The following TRPM1 variants were observed in gnomAD, a reference collection of about 807,000 sequenced individuals.
TRPM1 encodes transient receptor potential cation channel subfamily M member 1.
Under a neutral mutation model 149.4 loss-of-function variants are expected in TRPM1, and 113 were observed. The ratio of observed to expected loss-of-function variants is 0.76; its 90% CI spans 0.65 to 0.88. TRPM1 has a LOEUF of 0.88. TRPM1 is among the 40% of genes least tolerant of loss of function. TRPM1 has a pLI of 0.00. For missense variants in TRPM1, 1,976 were observed against 2,038.7 expected (o/e 0.97, Z 0.59); for synonymous variants, 741 against 759.5 (o/e 0.98, Z 0.40).
intron 1 of TRPM1, among the ~76,000 whole-genome samples, chr15:31,098,912 G>A (rs1315508495): frequency 6.6e-6 from 1 of 152,168 alleles, no homozygotes; most frequent in Non-Finnish European, 1.5e-5. Flanking sequence ...TCTCAGCAGC[G>A]GGGGAGGGGA....
intron 24 of TRPM1, among the ~76,000 whole-genome samples, 182 bp from the exon 25 acceptor site, chr15:31,028,658 A>C (rs1432567579): frequency 1.3e-5 from 2 of 151,740 alleles, no homozygotes; most frequent in Non-Finnish European, 2.9e-5. Context: ...AGTCTGAGGC[A>C]GGAGAATGGC....
At chr15:31,011,089 G>A (rs2032168622) in intron 27 of TRPM1, among the ~76,000 whole-genome samples, 1 of 152,066 alleles carries the variant, frequency 6.6e-6, no homozygotes, top group South Asian at 2.1e-4. Context: ...GATAGGTGTA[G>A]CCACTCCAAC....
chr15:31,154,155 G>A (rs1437877986), intron 1 of TRPM1, among the ~76,000 whole-genome samples: 2 of 152,222 alleles, frequency 1.3e-5, no homozygotes, highest in Non-Finnish European at 2.9e-5. Context: ...CTTGGATTTT[G>A]CATGTCATTT....
At chr15:31,111,253 T>A (rs2141023894) in intron 1 of TRPM1, among the ~76,000 whole-genome samples, 1 of 152,290 alleles carries the variant, frequency 6.6e-6, no homozygotes, top group East Asian at 1.9e-4. Flanking sequence ...ATCTCATTAA[T>A]CCGCAACTCC....
chr15:31,149,179 G>A (rs1596103236), intron 1 of TRPM1, among the ~76,000 whole-genome samples: 1 of 152,206 alleles, frequency 6.6e-6, no homozygotes, highest in African/African-American at 2.4e-5. Flanking sequence ...AGCAAAATCC[G>A]TGAATGGCCA....
chr15:31,156,290 TG>T lies in TRPM1; in HGVS notation c.54+4615del. Among the ~76,000 whole-genome samples the T allele has an allele frequency of 1.3e-5, 2 of 151,908 alleles. 1 individual carries two copies. The highest frequency in any genetic ancestry group is 4.8e-5 in the African/African-American group (2 of 41,404). The stretch of plus-strand genomic sequence containing the variant: ...TTTTGAAATGGCCCGCCATCTTTTG[TG>T]GGGGAAAATTTGCAGCTGTAAAGAG... On this transcript the variant is annotated intron_variant, in intron 1 of 26. Transcript: ENST00000542188.
At position 31,084,552 on chromosome 15, in the gene TRPM1, T is replaced by C. The variant is rs74593247; in HGVS notation, c.-83-3114A>G. The stretch of plus-strand genomic sequence containing the variant: ...CAGATCAGGACTTTACTCTTTTCTA[T>C]GCCTCTGTAATATTCCATTACATGA... On this transcript the variant is annotated intron_variant, in intron 1 of 27. Transcript: ENST00000256552. Among the ~76,000 whole-genome samples the C allele has an allele frequency of 8.7e-3, 1,319 of 152,312 alleles. 20 individuals carry two copies. The highest frequency in any genetic ancestry group is 0.031 in the African/African-American group (1,277 of 41,566).
Position 31,040,466 on chromosome 15 carries a change from T to C in TRPM1, c.2088-120A>G, listed in dbSNP as rs1409825501. On this transcript the variant is annotated intron_variant, in intron 17 of 27. Coordinates refer to ENST00000256552, the MANE Select transcript of TRPM1 (RefSeq NM_001252024.2). This position sits in a 1 kb window ranked among gnomAD's most constrained non-coding sequence, Gnocchi z 4.2. ...ACACAGTATCCTTCACTGGAGGGGCTCTGAGGTTCTCTGCAAGCAAGAAGC... is the reference window on the plus strand; with the variant it reads ...ACACAGTATCCTTCACTGGAGGGGCCCTGAGGTTCTCTGCAAGCAAGAAGC... 2.5e-6 allele frequency: 2 copies of C among 809,368 alleles called. No homozygotes were observed. The highest frequency in any genetic ancestry group is 4.1e-5 in the Admixed American group (2 of 48,980). The allele number at this position is 809,368 out of a possible 1,614,324, so 50.1% of individuals were successfully genotyped here. A position where few individuals can be genotyped will look rare whatever the true frequency, so the allele number is the denominator to read the frequency against.
intron 11 of TRPM1, among the ~76,000 whole-genome samples, chr15:31,053,201 C>A (rs1220102914): frequency 6.6e-6 from 1 of 152,146 alleles, no homozygotes; most frequent in Non-Finnish European, 1.5e-5. Flanking sequence ...AAATACAAAT[C>A]AAAACCATCT....
chr15:31,148,827 C>T (rs1456923755), intron 1 of TRPM1, among the ~76,000 whole-genome samples: 2 of 152,304 alleles, frequency 1.3e-5, no homozygotes, highest in East Asian at 3.9e-4. Flanking sequence ...CCAGGGTAGC[C>T]TCAGTTCTGC....
intron 27 of TRPM1, among the ~76,000 whole-genome samples, chr15:31,024,672 G>A (rs188839274): frequency 1.3e-4 from 20 of 152,240 alleles, no homozygotes; most frequent in Non-Finnish European, 2.6e-4. Flanking sequence ...AAGGGAGAGG[G>A]GGAGGCAGAG....
intron 3 of TRPM1, among the ~76,000 whole-genome samples, chr15:31,076,347 C>T (rs938098824): frequency 6.6e-6 from 1 of 152,162 alleles, no homozygotes; most frequent in Non-Finnish European, 1.5e-5. Flanking sequence ...CAGACTCAGC[C>T]TCATAGCTTT....
At chr15:31,138,052 GC>G (rs2036112678) in intron 1 of TRPM1, among the ~76,000 whole-genome samples, 1 of 152,102 alleles carries the variant, frequency 6.6e-6, no homozygotes, top group African/African-American at 2.4e-5. Flanking sequence ...TACCTCACAA[GC>G]CCTAACTTAT....
At chr15:31,100,945 A>G (rs978673228) in intron 1 of TRPM1, among the ~76,000 whole-genome samples, 1 of 152,136 alleles carries the variant, frequency 6.6e-6, no homozygotes, top group Non-Finnish European at 1.5e-5. Context: ...GTGGACTTGC[A>G]GGGCTTTGCT....
At chr15:31,066,330 T>C in intron 6 of TRPM1, 83 bp from the exon 7 acceptor site, 1 of 1,466,328 alleles carries the variant, frequency 6.8e-7, no homozygotes, top group South Asian at 1.2e-5. Flanking sequence ...TACATATGTG[T>C]GGAGTGACTG....
At chr15:31,090,827 A>G (rs1271838083) in intron 1 of TRPM1, among the ~76,000 whole-genome samples, 2 of 152,084 alleles carry the variant, frequency 1.3e-5, no homozygotes, top group African/African-American at 4.8e-5. Flanking sequence ...GACGTACCTG[A>G]GTCAGCTCCC....
intron 1 of TRPM1, among the ~76,000 whole-genome samples, chr15:31,142,663 T>C (rs1392359332): frequency 6.6e-6 from 1 of 152,224 alleles, no homozygotes; most frequent in Non-Finnish European, 1.5e-5. Flanking sequence ...TTTGATCAAG[T>C]CTTTTGAACT....
chr15:31,003,497 G>A (rs1045554229), intron 27 of TRPM1, among the ~76,000 whole-genome samples: 6 of 152,294 alleles, frequency 3.9e-5, no homozygotes, highest in African/African-American at 4.8e-5. Flanking sequence ...TTGAGCACAC[G>A]CAGCCTAGCT....
chr15:31,023,531 A>G (rs187379551), intron 27 of TRPM1, among the ~76,000 whole-genome samples: 1 of 152,190 alleles, frequency 6.6e-6, no homozygotes, highest in Non-Finnish European at 1.5e-5. Context: ...CAGCTACAGG[A>G]ATGGAAGTGG....
Sources: allele counts gnomAD v4.1 joint callset (sites outside exome capture counted in the v4.1 genomes callset), GRCh38; gene constraint gnomAD v4.1.1; non-coding constraint Gnocchi (gnomAD v3.1); transcripts MANE v1.5; gene names NCBI Gene and HGNC (gene_info 2026-07-23, HGNC 2026-07-21).